The following RYR2 variants were observed in gnomAD, a reference collection of about 807,000 sequenced individuals.
RYR2 encodes the protein ryanodine receptor 2, also known as cardiac muscle ryanodine receptor-calcium release channel.
A neutral mutation model predicts 601.1 loss-of-function variants in RYR2; 227 were observed. The observed-to-expected ratio is 0.38, with a 90% CI of 0.34 to 0.42. The LOEUF is 0.42. Among genes scored for constraint, RYR2 ranks in the 10% least tolerant of loss-of-function variants. The pLI is 1.00. For missense variants in RYR2, 4,646 were observed against 6,156.5 expected (o/e 0.75, Z 8.21); for synonymous variants, 2,223 against 2,175.1 (o/e 1.02, Z -0.61).
chr1:237,534,472 A>G (rs1424878389), intron 25 of RYR2, among the ~76,000 whole-genome samples: 2 of 152,082 alleles, frequency 1.3e-5, no homozygotes, highest in African/African-American at 4.8e-5. Context: ...AAAGCTTGAC[A>G]TATATAGAGT....
intron 1 of RYR2, among the ~76,000 whole-genome samples, chr1:237,121,264 C>G (rs933846890): frequency 6.6e-6 from 1 of 152,044 alleles, no homozygotes; most frequent in Non-Finnish European, 1.5e-5. Context: ...AATGAAAAAG[C>G]CTTACTTAGG....
intron 17 of RYR2, among the ~76,000 whole-genome samples, chr1:237,486,828 G>C (rs1440984641): frequency 6.6e-6 from 1 of 151,758 alleles, no homozygotes; most frequent in African/African-American, 2.4e-5. Flanking sequence ...AATAACTTCT[G>C]GTCTTTTTTA....
intron 1 of RYR2, among the ~76,000 whole-genome samples, chr1:237,201,394 T>C (rs1026997983): frequency 6.6e-6 from 1 of 152,216 alleles, no homozygotes; most frequent in South Asian, 2.1e-4. Flanking sequence ...ATTTGTAACA[T>C]CAGATGAGAT....
intron 52 of RYR2, among the ~76,000 whole-genome samples, chr1:237,654,630 GT>G (rs748761046): frequency 2.4e-4 from 37 of 152,116 alleles, no homozygotes; most frequent in Non-Finnish European, 3.5e-4. Flanking sequence ...TCATAACACT[GT>G]TTCTGAATAT....
At chr1:237,565,779 A>G (rs1458743877) in intron 27 of RYR2, among the ~76,000 whole-genome samples, 1 of 152,144 alleles carries the variant, frequency 6.6e-6, no homozygotes, top group African/African-American at 2.4e-5. Flanking sequence ...TGGTTTCAGA[A>G]GGACTTACCT....
Position 237,614,876 on chromosome 1 carries a change from G to A in RYR2, c.5715+33G>A, listed in dbSNP as rs1678296166. The A allele has an allele frequency of 6.5e-7, 1 of 1,526,912 alleles. No homozygotes were observed. The highest frequency in any genetic ancestry group is 8.8e-7 in the Non-Finnish European group (1 of 1,139,800). 94.6% of individuals were successfully genotyped at this position (1,526,912 alleles called of 1,614,324 possible). Reference sequence around the variant, plus strand: ...GAACAAGAGACTTGAGTGAATTTCAGAATTGCTAAGCATTAAGGTATTAGA... The same window carrying A: ...GAACAAGAGACTTGAGTGAATTTCAAAATTGCTAAGCATTAAGGTATTAGA... On this transcript the variant is annotated intron_variant, in intron 37 of 104. Transcript: ENST00000366574. The surrounding 1 kb of genome is among the most constrained non-coding windows in gnomAD (Gnocchi z 4.3).
intron 85 of RYR2, among the ~76,000 whole-genome samples, chr1:237,771,393 A>C (rs932046921): frequency 2.0e-5 from 3 of 149,718 alleles, no homozygotes; most frequent in African/African-American, 7.5e-5. Flanking sequence ...CTTAGGCAAC[A>C]CAGCAAGATC....
chr1:237,819,266 G>T lies in RYR2; in HGVS notation c.14590+74G>T. The stretch of plus-strand genomic sequence containing the variant: ...CATGTTGCTGAAGTTAATATTCAAG[G>T]TAGGGTAATGACGTCAAGTGTTTCC... On this transcript the variant is annotated intron_variant, in intron 101 of 104. Coordinates refer to ENST00000366574, the MANE Select transcript of RYR2 (RefSeq NM_001035.3). The surrounding 1 kb of genome is among the most constrained non-coding windows in gnomAD (Gnocchi z 4.0). The T allele has an allele frequency of 7.1e-7, 1 of 1,403,514 alleles. No homozygotes were observed. The allele number at this position is 1,403,514 out of a possible 1,614,324, so 86.9% of individuals were successfully genotyped here.
chr1:237,137,877 CA>C (rs769004190), intron 1 of RYR2, among the ~76,000 whole-genome samples: 2 of 152,130 alleles, frequency 1.3e-5, no homozygotes, highest in South Asian at 4.1e-4. Flanking sequence ...CTTTTTAAAT[CA>C]TGACCTGAAA....
intron 79 of RYR2, among the ~76,000 whole-genome samples, chr1:237,738,099 G>C (rs953361771): frequency 6.6e-6 from 1 of 152,064 alleles, no homozygotes; most frequent in Non-Finnish European, 1.5e-5. Flanking sequence ...CTGCATCCAC[G>C]GATGTTACTT....
intron 48 of RYR2, among the ~76,000 whole-genome samples, 182 bp from the exon 49 acceptor site, chr1:237,648,262 C>A (rs1005352900): frequency 1.3e-5 from 2 of 152,190 alleles, no homozygotes; most frequent in African/African-American, 4.8e-5. Flanking sequence ...ATGACCTTGG[C>A]TTTACATTCA....
At chr1:237,768,922 C>T (rs1311437866) in intron 84 of RYR2, among the ~76,000 whole-genome samples, 1 of 152,146 alleles carries the variant, frequency 6.6e-6, no homozygotes. Flanking sequence ...AGTGAAATTA[C>T]TTGTACGTGT....
At chr1:237,774,514 C>T (rs111844070) in intron 87 of RYR2, among the ~76,000 whole-genome samples, 195 of 152,238 alleles carry the variant, frequency 1.3e-3, no homozygotes, top group African/African-American at 4.4e-3. Context: ...TGCATTCAGT[C>T]CCTTGGAAGC....
At chr1:237,794,513 T>C (rs931509036) in intron 95 of RYR2, among the ~76,000 whole-genome samples, 1 of 152,212 alleles carries the variant, frequency 6.6e-6, no homozygotes, top group Non-Finnish European at 1.5e-5. Context: ...TTCTATCCAA[T>C]AAACATTTAG....
At chr1:237,150,026 C>A (rs535889013) in intron 1 of RYR2, among the ~76,000 whole-genome samples, 1 of 152,312 alleles carries the variant, frequency 6.6e-6, no homozygotes, top group East Asian at 1.9e-4. Flanking sequence ...TAAAAGCAAG[C>A]AACATTTACT....
intron 67 of RYR2, 149 bp downstream of exon 67, chr1:237,705,492 G>T: frequency 1.5e-6 from 1 of 668,808 alleles, no homozygotes. Context: ...TATTCTATGT[G>T]ATGTACCCTG....
intron 94 of RYR2, 96 bp downstream of exon 94, chr1:237,792,419 GTGTGTTT>G: frequency 1.3e-6 from 1 of 780,720 alleles, no homozygotes; most frequent in South Asian, 2.3e-5. Flanking sequence ...GTGTGTGTGT[GTGTGTTT>G]TGCAGGCTGG....
intron 17 of RYR2, 119 bp downstream of exon 17, chr1:237,469,306 G>T: frequency 1.9e-6 from 1 of 525,650 alleles, no homozygotes; most frequent in Non-Finnish European, 3.1e-6. Flanking sequence ...GTGGTGGTGT[G>T]TACTGAGTCC....
At chr1:237,611,784 A>C (rs1394708307) in intron 36 of RYR2, among the ~76,000 whole-genome samples, 3 of 152,162 alleles carry the variant, frequency 2.0e-5, no homozygotes, top group African/African-American at 7.2e-5. Flanking sequence ...AGCCAGGTCC[A>C]TTTTTATATC....
Sources: allele counts gnomAD v4.1 joint callset (sites outside exome capture counted in the v4.1 genomes callset), GRCh38; gene constraint gnomAD v4.1.1; non-coding constraint Gnocchi (gnomAD v3.1); transcripts MANE v1.5; gene names NCBI Gene and HGNC (gene_info 2026-07-23, HGNC 2026-07-21).